ZNF248: variants seen among roughly 807,000 people sequenced by gnomAD.
ZNF248 encodes the protein KRAB protein domain.
Under a neutral mutation model 44.3 loss-of-function variants are expected in ZNF248, and 20 were observed. The observed-to-expected ratio is 0.45, with a 90% confidence interval of 0.32 to 0.66. ZNF248 has a LOEUF of 0.66. ZNF248 is among the 30% of genes least tolerant of loss of function. The pLI, the probability that ZNF248 is intolerant of heterozygous loss-of-function variation, is 0.04. For missense variants in ZNF248, 654 were observed against 677.0 expected, an observed-to-expected ratio of 0.97 and a Z score of 0.38; for synonymous variants, 224 against 229.0, an observed-to-expected ratio of 0.98 and a Z score of 0.20.
chr10:37,770,269 A>T, the ZNF248 span, among the ~76,000 whole-genome samples: 9 of 151,900 alleles, frequency 5.9e-5, no homozygotes, highest in African/African-American at 1.7e-4. Context: ...ATTGGAAAAA[A>T]CTACTTTAAA....
intron 3 of ZNF248, among the ~76,000 whole-genome samples, chr10:37,852,965 G>A (rs1323337490): frequency 1.3e-5 from 2 of 151,714 alleles, no homozygotes; most frequent in Admixed American, 6.6e-5. Flanking sequence ...GGGTTCAAGC[G>A]ATTCTCCTGC....
chr10:37,853,951 C>T (rs1275345345), intron 3 of ZNF248, among the ~76,000 whole-genome samples: 4 of 152,020 alleles, frequency 2.6e-5, no homozygotes, highest in African/African-American at 9.7e-5. Flanking sequence ...GAAAGCCTAC[C>T]CACTCTCTAA....
chr10:37,821,576 G>A (rs553663454), intron 6 of ZNF248, among the ~76,000 whole-genome samples: 1 of 152,264 alleles, frequency 6.6e-6, no homozygotes, highest in African/African-American at 2.4e-5. Flanking sequence ...ATTAAGGCCT[G>A]CACATTTTAC....
At chr10:37,847,721 G>A (rs2094354483) in intron 3 of ZNF248, among the ~76,000 whole-genome samples, 1 of 148,806 alleles carries the variant, frequency 6.7e-6, no homozygotes, top group Non-Finnish European at 1.5e-5. Context: ...GATACTTACT[G>A]ATATGTTTAC....
the ZNF248 span, among the ~76,000 whole-genome samples, chr10:37,771,516 G>A: frequency 9.2e-3 from 79 of 8,588 alleles, 2 homozygotes; most frequent in African/African-American, 0.029. Flanking sequence ...GCAAACTATC[G>A]CAAGGACAAA....
At chr10:37,814,884 T>C (rs2052161923) in intron 6 of ZNF248, among the ~76,000 whole-genome samples, 1 of 152,226 alleles carries the variant, frequency 6.6e-6, no homozygotes, top group Admixed American at 6.5e-5. Flanking sequence ...TTTGATTTTA[T>C]CTTACTTGAA....
At chr10:37,837,571 G>A (rs368139266) in intron 5 of ZNF248, 46 bp downstream of exon 5, 2 of 1,517,426 alleles carry the variant, frequency 1.3e-6, no homozygotes, top group Non-Finnish European at 1.8e-6. Context: ...AATTACCTAA[G>A]TTCTAATTTC....
chr10:37,842,239 T>C (rs943903608), intron 3 of ZNF248, among the ~76,000 whole-genome samples: 24 of 151,800 alleles, frequency 1.6e-4, no homozygotes, highest in African/African-American at 9.7e-5. Context: ...GAGGACAAGA[T>C]TAATGAAGTG....
chr10:37,803,560 C>A (rs1315840585), intron 6 of ZNF248: 1 of 152,302 alleles, frequency 6.6e-6, no homozygotes, highest in Non-Finnish European at 1.5e-5. Flanking sequence ...CAGTTCCAGA[C>A]ATGCTCTTTC....
At chr10:37,765,836 A>G in the ZNF248 span, among the ~76,000 whole-genome samples, 9,118 of 152,188 alleles carry the variant, frequency 0.06, 351 homozygotes, top group Middle Eastern at 0.095. Context: ...AGTGCAAGGG[A>G]TCAGGGAGTT....
At chr10:37,784,859 A>G (rs1000661529) in intron 6 of ZNF248, among the ~76,000 whole-genome samples, 1 of 152,194 alleles carries the variant, frequency 6.6e-6, no homozygotes, top group African/African-American at 2.4e-5. Flanking sequence ...AAAACAAAAA[A>G]CAAAACAAAC....
chr10:37,781,943 A>G (rs1045095980), intron 6 of ZNF248, among the ~76,000 whole-genome samples: 1 of 152,250 alleles, frequency 6.6e-6, no homozygotes, highest in Non-Finnish European at 1.5e-5. Flanking sequence ...TATCCATTGT[A>G]ATTGTGTAAT....
At chr10:37,842,814 C>G (rs1244715407) in intron 3 of ZNF248, among the ~76,000 whole-genome samples, 1 of 152,106 alleles carries the variant, frequency 6.6e-6, no homozygotes, top group East Asian at 1.9e-4. Context: ...GAAATTTGGG[C>G]TTTCAAAAAA....
chr10:37,850,415 A>G, intron 3 of ZNF248, among the ~76,000 whole-genome samples: 1 of 152,230 alleles, frequency 6.6e-6, no homozygotes. Context: ...CAAACTCCCA[A>G]CAAGGATTTT....
chr10:37,853,605 C>T (rs1464364096), intron 3 of ZNF248, among the ~76,000 whole-genome samples: 1 of 152,054 alleles, frequency 6.6e-6, no homozygotes, highest in Non-Finnish European at 1.5e-5. Flanking sequence ...GTCGCGAACT[C>T]CCGACCTCAG....
downstream of ZNF248, among the ~76,000 whole-genome samples, chr10:37,826,139 G>A (rs1197523108): frequency 1.3e-5 from 2 of 152,250 alleles, no homozygotes; most frequent in Non-Finnish European, 1.5e-5. Flanking sequence ...ATCGCGTATT[G>A]TAAATGAGTT....
chr10:37,783,941 A>G (rs2047593868), intron 6 of ZNF248: 1 of 152,486 alleles, frequency 6.6e-6, no homozygotes, highest in African/African-American at 2.4e-5. Context: ...CAGCCTCCCA[A>G]GTAGCTGGGA....
intron 6 of ZNF248, among the ~76,000 whole-genome samples, chr10:37,778,363 G>A (rs2046855388): frequency 6.6e-6 from 1 of 152,072 alleles, no homozygotes; most frequent in Non-Finnish European, 1.5e-5. Flanking sequence ...CATGTCCTTT[G>A]CCCACTTTTT....
At chr10:37,760,040 T>A in the ZNF248 span, among the ~76,000 whole-genome samples, 1 of 152,006 alleles carries the variant, frequency 6.6e-6, no homozygotes, top group Non-Finnish European at 1.5e-5. Flanking sequence ...GCAATCTGAG[T>A]CCCAATCCCT....
Sources: allele counts gnomAD v4.1 joint callset (sites outside exome capture counted in the v4.1 genomes callset), GRCh38; gene constraint gnomAD v4.1.1; transcripts MANE v1.5; gene names NCBI Gene and HGNC (gene_info 2026-07-23, HGNC 2026-07-21).